MEF2C: variants seen among roughly 807,000 people sequenced by gnomAD.
MEF2C encodes myocyte enhancer factor 2C, also known as myocyte-specific enhancer factor 2C.
MEF2C carries 6 observed loss-of-function variants against 50.5 expected under a neutral mutation model. That is an observed-to-expected ratio of 0.12 (90% CI 0.07 to 0.23). The LOEUF is 0.23. MEF2C is among the 10% of genes least tolerant of loss of function. The probability of loss-of-function intolerance (pLI) is 1.00; values close to 1 mark genes in which losing one functional copy is unlikely to be tolerated. For synonymous variants in MEF2C, 183 were observed against 228.0 expected (o/e 0.80, Z 1.78); for missense variants, 276 against 605.0 (o/e 0.46, Z 5.70).
chr5:88,784,489 G>A (rs1040862151), intron 3 of MEF2C, among the ~76,000 whole-genome samples: 4 of 152,126 alleles, frequency 2.6e-5, no homozygotes, highest in Non-Finnish European at 5.9e-5. Context: ...AAATGTTACA[G>A]AATCTATTAT....
chr5:88,802,606 C>A (rs1233498440), intron 3 of MEF2C, among the ~76,000 whole-genome samples: 27 of 152,120 alleles, frequency 1.8e-4, no homozygotes, highest in Admixed American at 1.8e-3. Flanking sequence ...GCCACCATGC[C>A]TGGCTAATTT....
At chr5:88,808,722 T>C (rs773843829) in intron 2 of MEF2C, among the ~76,000 whole-genome samples, 19 of 152,290 alleles carry the variant, frequency 1.2e-4, no homozygotes, top group South Asian at 4.1e-4. Flanking sequence ...TCATTGTTCA[T>C]AGTTAGATAA....
intron 3 of MEF2C, among the ~76,000 whole-genome samples, chr5:88,795,427 A>G (rs761925409): frequency 2.0e-5 from 3 of 152,030 alleles, no homozygotes; most frequent in Admixed American, 6.6e-5. Context: ...GAGTTCACTC[A>G]TGATTTCTCT....
chr5:88,745,665 A>C (rs1769132438), intron 6 of MEF2C, among the ~76,000 whole-genome samples: 1 of 152,220 alleles, frequency 6.6e-6, no homozygotes, highest in Non-Finnish European at 1.5e-5. Context: ...AAATTAAAAA[A>C]TTAGCCAGGC....
chr5:88,801,640 C>A (rs1253072290), intron 3 of MEF2C, among the ~76,000 whole-genome samples: 1 of 152,104 alleles, frequency 6.6e-6, no homozygotes, highest in Non-Finnish European at 1.5e-5. Context: ...GCCCCCTCCA[C>A]CACGCTCGGC....
chr5:88,757,703 G>C (rs961235692), intron 4 of MEF2C, among the ~76,000 whole-genome samples: 5 of 152,110 alleles, frequency 3.3e-5, no homozygotes, highest in African/African-American at 1.2e-4. Flanking sequence ...ATCACTTGAG[G>C]TCAGGAGTTC....
chr5:88,869,282 TATATATATATATAC>T (rs1561420565), intron 1 of MEF2C, among the ~76,000 whole-genome samples: 2,345 of 86,214 alleles, frequency 0.027, 70 homozygotes, highest in African/African-American at 0.085. Flanking sequence ...TATATACATA[TATATATATATATAC>T]ACATATATAT....
rs186949667 is a variant in MEF2C at position 88,768,687 on chromosome 5, A to G, written c.259-7359T>C. On this transcript the variant is annotated intron_variant, in intron 3 of 10. Coordinates refer to ENST00000504921, the MANE Select transcript of MEF2C (RefSeq NM_002397.5). ...TGAATAGATGAACAGAACAGAAAAG[A>G]ATGTTCAAATGTTAGAGGGAGGAAG... 6.5e-5 allele frequency: 64 copies of G among 985,244 alleles called. No individual in the cohort carries two copies. In the East Asian group the frequency reaches 4.5e-3, roughly 70 times the overall value. 61.0% of individuals were successfully genotyped at this position (985,244 alleles called of 1,614,324 possible).
At chr5:88,795,615 A>G (rs74796493) in intron 3 of MEF2C, among the ~76,000 whole-genome samples, 3,978 of 152,212 alleles carry the variant, frequency 0.026, 176 homozygotes, top group African/African-American at 0.09. Context: ...TTCTTTTCCT[A>G]TTTAAATACC....
rs937907584 is a variant in MEF2C, at chr5:88,815,192, T to C, written c.54+8543A>G. On this transcript the variant is annotated intron_variant, in intron 2 of 10. Transcript: ENST00000504921. The stretch of plus-strand genomic sequence containing the variant: ...TTTACTAGTTCAACAAAGCCAAATG[T>C]ACCTAAGGGAAAGGTCAAAGGATAC... Among the ~76,000 whole-genome samples the C allele has an allele frequency of 2.6e-5, 4 of 152,244 alleles. No homozygotes were observed. The East Asian group carries it at 7.8e-4, about 30-fold the overall frequency.
chr5:88,734,592 T>TAAA, intron 6 of MEF2C: 2 of 961,540 alleles, frequency 2.1e-6, no homozygotes, highest in Non-Finnish European at 2.5e-6. Context: ...TTTTTTTTTT[T>TAAA]TTTTTTAGCA....
chr5:88,826,273 TTTC>T (rs1810815864), intron 1 of MEF2C, among the ~76,000 whole-genome samples: 1 of 152,040 alleles, frequency 6.6e-6, no homozygotes, highest in South Asian at 2.1e-4. Flanking sequence ...TTGAATATAT[TTTC>T]TTTTTTGAAA....
intron 1 of MEF2C, among the ~76,000 whole-genome samples, chr5:88,858,984 C>T (rs1404682661): frequency 6.6e-6 from 1 of 152,192 alleles, no homozygotes; most frequent in Non-Finnish European, 1.5e-5. Context: ...CACATCTCGA[C>T]ATTGTTTTCA....
intron 6 of MEF2C, among the ~76,000 whole-genome samples, chr5:88,745,175 T>C (rs927527260): frequency 6.6e-6 from 1 of 152,244 alleles, no homozygotes; most frequent in Admixed American, 6.5e-5. Context: ...GTATCTGCTG[T>C]GTGCTAACGC....
chr5:88,748,290 T>C (rs907913283), intron 6 of MEF2C: 1 of 639,724 alleles, frequency 1.6e-6, no homozygotes, highest in African/African-American at 2.0e-5. Context: ...TAACCTTGTG[T>C]CATTCATGCC....
chr5:88,804,161 A>G (rs1799427087), intron 3 of MEF2C, among the ~76,000 whole-genome samples: 1 of 152,210 alleles, frequency 6.6e-6, no homozygotes, highest in East Asian at 1.9e-4. Context: ...TGAAAGTGTA[A>G]GGTTGGGGTG....
At chr5:88,782,564 A>G (rs1481612800) in intron 3 of MEF2C, among the ~76,000 whole-genome samples, 1 of 152,230 alleles carries the variant, frequency 6.6e-6, no homozygotes, top group African/African-American at 2.4e-5. Flanking sequence ...ACTGTATGTG[A>G]TAAATAGTCC....
At chr5:88,774,182 T>C (rs950291900) in intron 3 of MEF2C, among the ~76,000 whole-genome samples, 6 of 152,176 alleles carry the variant, frequency 3.9e-5, no homozygotes, top group African/African-American at 1.4e-4. Flanking sequence ...TTGTTAGAGT[T>C]TCAGGATGTT....
At chr5:88,866,411 T>C (rs1827403405) in intron 1 of MEF2C, among the ~76,000 whole-genome samples, 1 of 152,222 alleles carries the variant, frequency 6.6e-6, no homozygotes, top group African/African-American at 2.4e-5. Context: ...CTTGTATATC[T>C]GGTAATTCAG....
Sources: allele counts gnomAD v4.1 joint callset (sites outside exome capture counted in the v4.1 genomes callset), GRCh38; gene constraint gnomAD v4.1.1; transcripts MANE v1.5; gene names NCBI Gene and HGNC (gene_info 2026-07-23, HGNC 2026-07-21).